KCTD16: variants seen among roughly 807,000 people sequenced by gnomAD.
The protein encoded by KCTD16 is potassium channel tetramerization domain containing 16, also known as BTB/POZ domain-containing protein KCTD16.
KCTD16 carries 13 observed loss-of-function variants against 33.2 expected under a neutral mutation model. The ratio of observed to expected loss-of-function variants is 0.39; its 90% confidence interval spans 0.25 to 0.62. The LOEUF (loss-of-function observed/expected upper bound fraction) is 0.62, where lower values mean the gene tolerates loss of function less well. Ranked by LOEUF, KCTD16 falls within the 20% of genes least tolerant of loss-of-function variation. The probability of loss-of-function intolerance (pLI) is 0.50; values close to 1 mark genes in which losing one functional copy is unlikely to be tolerated. For synonymous variants in KCTD16, 197 were observed against 195.3 expected, an observed-to-expected ratio of 1.01 and a Z score of -0.07; for missense variants, 441 against 525.1, an observed-to-expected ratio of 0.84 and a Z score of 1.57.
chr5:144,291,220 C>T (rs899705285), intron 3 of KCTD16, among the ~76,000 whole-genome samples: 7 of 152,134 alleles, frequency 4.6e-5, no homozygotes, highest in Non-Finnish European at 8.8e-5. Context: ...ATTCTTATGT[C>T]CACAGTATCT....
At chr5:144,413,317 A>G (rs1011578105) in intron 3 of KCTD16, among the ~76,000 whole-genome samples, 1 of 152,220 alleles carries the variant, frequency 6.6e-6, no homozygotes, top group East Asian at 1.9e-4. Context: ...TGACACCTTG[A>G]TCTCAGACTT....
intron 3 of KCTD16, among the ~76,000 whole-genome samples, chr5:144,304,977 C>CTT (rs146638360): frequency 6.4e-4 from 53 of 83,394 alleles, no homozygotes; most frequent in East Asian, 3.6e-3. Context: ...ATATCAAAAT[C>CTT]TTTTTTTTTT....
At chr5:144,335,659 G>A (rs908362243) in intron 3 of KCTD16, among the ~76,000 whole-genome samples, 2 of 152,306 alleles carry the variant, frequency 1.3e-5, no homozygotes, top group Admixed American at 1.3e-4. Flanking sequence ...TCCACAGGAG[G>A]TGACAATTGA....
At chr5:144,361,445 C>T (rs577162557) in intron 3 of KCTD16, among the ~76,000 whole-genome samples, 2 of 152,254 alleles carry the variant, frequency 1.3e-5, no homozygotes, top group African/African-American at 4.8e-5. Flanking sequence ...TGTCCTGGTC[C>T]TGGTTTGAAT....
intron 3 of KCTD16, among the ~76,000 whole-genome samples, chr5:144,284,127 A>G (rs1196343818): frequency 6.6e-6 from 1 of 152,204 alleles, no homozygotes; most frequent in Non-Finnish European, 1.5e-5. Context: ...AGCAAATAGA[A>G]TATCTTTCTG....
At chr5:144,340,909 G>T (rs565294245) in intron 3 of KCTD16, among the ~76,000 whole-genome samples, 1 of 152,178 alleles carries the variant, frequency 6.6e-6, no homozygotes, top group Non-Finnish European at 1.5e-5. Context: ...AATTAGCCAG[G>T]CACGGTGGTG....
At chr5:144,454,992 C>A (rs1388654608) in intron 3 of KCTD16, among the ~76,000 whole-genome samples, 1 of 152,072 alleles carries the variant, frequency 6.6e-6, no homozygotes, top group Non-Finnish European at 1.5e-5. Flanking sequence ...TTATTGGTTT[C>A]TTAAAGCTTA....
intron 3 of KCTD16, among the ~76,000 whole-genome samples, chr5:144,416,233 ATTT>A (rs1355635721): frequency 2.4e-3 from 370 of 152,258 alleles, no homozygotes; most frequent in African/African-American, 8.3e-3. Context: ...TCTCCAAAAT[ATTT>A]AGTTTTGTTT....
At chr5:144,464,867 T>A (rs181971272) in intron 3 of KCTD16, among the ~76,000 whole-genome samples, 11 of 152,288 alleles carry the variant, frequency 7.2e-5, no homozygotes, top group Admixed American at 4.6e-4. Flanking sequence ...GCCCAAGTAC[T>A]GTGATAAACT....
intron 3 of KCTD16, among the ~76,000 whole-genome samples, chr5:144,351,789 G>A (rs1751441638): frequency 6.6e-6 from 1 of 152,132 alleles, no homozygotes; most frequent in Non-Finnish European, 1.5e-5. Flanking sequence ...AAGTAAACCA[G>A]ACTCATAAAG....
intron 3 of KCTD16, among the ~76,000 whole-genome samples, chr5:144,214,498 C>T (rs1753500331): frequency 6.6e-6 from 1 of 152,158 alleles, no homozygotes. Flanking sequence ...TTTGTGAAAT[C>T]GCTTCTGCTT....
At chr5:144,471,700 T>C (rs1470177574) in intron 3 of KCTD16, among the ~76,000 whole-genome samples, 1 of 152,236 alleles carries the variant, frequency 6.6e-6, no homozygotes, top group Non-Finnish European at 1.5e-5. Flanking sequence ...AGTCACCAGC[T>C]GGTATATGCT....
intron 3 of KCTD16, among the ~76,000 whole-genome samples, chr5:144,401,853 G>A (rs1053186502): frequency 5.3e-5 from 8 of 152,194 alleles, no homozygotes; most frequent in African/African-American, 1.9e-4. Context: ...GTGAGATGAA[G>A]TGAATTACTC....
chr5:144,208,289 G>T (rs146717397), intron 3 of KCTD16, among the ~76,000 whole-genome samples: 3 of 152,212 alleles, frequency 2.0e-5, no homozygotes, highest in South Asian at 4.1e-4. Flanking sequence ...ATAAAAGGAA[G>T]CCAGAGAGGG....
chr5:144,378,918 G>C (rs1752152203), intron 3 of KCTD16, among the ~76,000 whole-genome samples: 1 of 152,140 alleles, frequency 6.6e-6, no homozygotes, highest in Admixed American at 6.6e-5. Context: ...TTCGTCATAG[G>C]AGAAAATGCA....
At chr5:144,188,548 T>C (rs1429856076) in intron 2 of KCTD16, among the ~76,000 whole-genome samples, 1 of 152,208 alleles carries the variant, frequency 6.6e-6, no homozygotes, top group Non-Finnish European at 1.5e-5. Flanking sequence ...AAATTTGTCA[T>C]TGAGCAGCAT....
chr5:144,339,841 T>A (rs1013662318), intron 3 of KCTD16, among the ~76,000 whole-genome samples: 1 of 152,186 alleles, frequency 6.6e-6, no homozygotes, highest in Admixed American at 6.5e-5. Flanking sequence ...ATACATTTAA[T>A]TAAAACACAT....
At position 144,403,414 on chromosome 5, in the gene KCTD16, C is replaced by T. The variant is rs181443560; in HGVS notation, c.833-70246C>T. 2.0e-3 allele frequency among the ~76,000 whole-genome samples: 298 copies of T among 152,078 alleles called. 2 individuals carry two copies. Among genetic ancestry groups the T allele is most frequent in the African/African-American group, 6.7e-3 (276 of 41,488 alleles). On this transcript the variant is annotated intron_variant, in intron 3 of 3. Coordinates refer to ENST00000512467, the MANE Select transcript of KCTD16 (RefSeq NM_020768.4). ...CAGAGAGAGTAATGCCCTGTGAAGA[C>T]ACATAGACAGAAGCGACACACAGAG...
At chr5:144,424,020 C>T (rs1222396493) in intron 3 of KCTD16, among the ~76,000 whole-genome samples, 1 of 152,140 alleles carries the variant, frequency 6.6e-6, no homozygotes, top group Non-Finnish European at 1.5e-5. Context: ...AAGGGTTGGA[C>T]ATCCATGCTT....
Sources: gnomAD v4.1 joint callset for allele counts (sites outside exome capture counted in the v4.1 genomes callset) on GRCh38, gnomAD v4.1.1 for gene constraint, MANE v1.5 for transcripts, NCBI Gene and HGNC (gene_info 2026-07-23, HGNC 2026-07-21) for gene names.